Variants in TRPM8 observed in about 807,000 individuals in gnomAD.
TRPM8 encodes transient receptor potential cation channel subfamily M member 8.
Under a neutral mutation model 133.7 loss-of-function variants are expected in TRPM8, and 110 were observed. The ratio of observed to expected loss-of-function variants is 0.82; its 90% CI spans 0.70 to 0.96. TRPM8 has a LOEUF of 0.96. TRPM8 is among the 40% of genes least tolerant of loss of function. TRPM8 has a pLI of 0.00. For missense variants in TRPM8, 1,291 were observed against 1,379.5 expected (o/e 0.94, Z 1.02); for synonymous variants, 535 against 532.3 (o/e 1.01, Z -0.07).
rs1036676858 is a variant in TRPM8 at position 233,995,086 on chromosome 2, C to T, written c.2940-1240C>T. On this transcript the variant is annotated intron_variant, in intron 21 of 25. Transcript: ENST00000324695. ...TCTGTGAGGTGGTATCATGTAGCAG[C>T]GAAACAAATAGACGTGGGGCTGGAT... 1.1e-4 allele frequency among the ~76,000 whole-genome samples: 16 copies of T among 152,262 alleles called. 1 individual carries two copies. Among genetic ancestry groups the T allele is most frequent in the East Asian group, 7.7e-4 (4 of 5,190 alleles).
chr2:233,988,643 G>T (rs1692205577), intron 21 of TRPM8, among the ~76,000 whole-genome samples: 1 of 152,174 alleles, frequency 6.6e-6, no homozygotes, highest in African/African-American at 2.4e-5. Flanking sequence ...TGTGCCAGGT[G>T]CCTGGGCCAT....
chr2:233,996,296 A>G, intron 21 of TRPM8, 30 bp from the exon 22 acceptor site: 1 of 1,608,320 alleles, frequency 6.2e-7, no homozygotes, highest in Non-Finnish European at 8.5e-7. Context: ...GCGCAATGCT[A>G]AGTCTTGGCC....
At position 233,969,771 on chromosome 2, in the gene TRPM8, TTA is replaced by T; in HGVS notation, c.2105_2106del (p.Ile702ThrfsTer11). On this transcript the variant is annotated frameshift_variant, in exon 16 of 26. Coordinates refer to ENST00000324695, the MANE Select transcript of TRPM8 (RefSeq NM_024080.5). LOFTEE classifies it high-confidence loss of function. ...TGGAAGATTATCCTGTGTCTGTTTA[TTA>T]TACCCTTGGTGGGCTGTGGCTTTGT... 1 of 1,613,868 alleles carries T rather than the reference TTA, an allele frequency of 6.2e-7. No individual in the cohort carries two copies.
chr2:233,948,273 T>C (rs146432155), intron 8 of TRPM8, among the ~76,000 whole-genome samples: 7 of 152,192 alleles, frequency 4.6e-5, no homozygotes, highest in African/African-American at 1.4e-4. Context: ...ACAATTGAGA[T>C]CATGGTTAAA....
At chr2:233,954,992 G>A (rs964039255) in intron 10 of TRPM8, 140 bp from the exon 11 acceptor site, 9 of 630,752 alleles carry the variant, frequency 1.4e-5, no homozygotes, top group Non-Finnish European at 2.6e-5. Context: ...TAGAGTGAAT[G>A]ACAGTTTGAG....
intron 23 of TRPM8, among the ~76,000 whole-genome samples, chr2:234,007,243 G>C (rs777857518): frequency 6.6e-6 from 1 of 152,170 alleles, no homozygotes; most frequent in African/African-American, 2.4e-5. Flanking sequence ...GTAACAAGAG[G>C]GTGGGTCCCC....
chr2:234,005,214 T>C (rs1455631222), intron 22 of TRPM8, among the ~76,000 whole-genome samples: 2 of 152,020 alleles, frequency 1.3e-5, no homozygotes, highest in Non-Finnish European at 2.9e-5. Flanking sequence ...GCAGTAACAA[T>C]TGACAGATTT....
intron 24 of TRPM8, 71 bp from the exon 25 acceptor site, chr2:234,014,491 A>G: frequency 1.1e-6 from 1 of 921,284 alleles, no homozygotes; most frequent in South Asian, 1.8e-5. Context: ...GAAAAGGCAC[A>G]GAGCGATAAT....
chr2:233,942,037 C>A (rs1317615076), intron 5 of TRPM8, among the ~76,000 whole-genome samples: 1 of 150,896 alleles, frequency 6.6e-6, no homozygotes, highest in Non-Finnish European at 1.5e-5. Context: ...TCCCAGAGAG[C>A]CTGATGAGGC....
chr2:234,000,633 A>G (rs1692534085), intron 22 of TRPM8, among the ~76,000 whole-genome samples: 1 of 152,072 alleles, frequency 6.6e-6, no homozygotes, highest in South Asian at 2.1e-4. Context: ...TATAAGTTTT[A>G]TGTGACATAG....
Position 233,996,316 on chromosome 2 carries a change from C to T in TRPM8, c.2940-10C>T, listed in dbSNP as rs1461610383. 1.2e-6 allele frequency: 2 copies of T among 1,613,294 alleles called. No individual in the cohort carries two copies. Among genetic ancestry groups the T allele is most frequent in the African/African-American group, 2.7e-5 (2 of 74,920 alleles). On this transcript the variant is annotated splice_polypyrimidine_tract_variant and intron_variant, in intron 21 of 25. Transcript: ENST00000324695. Reference sequence around the variant, plus strand: ...ATGCTAAGTCTTGGCCTTCTCTCTTCCCTCACCAGCTACACGGTGGGCACC... The same window carrying T: ...ATGCTAAGTCTTGGCCTTCTCTCTTTCCTCACCAGCTACACGGTGGGCACC...
At chr2:234,016,535 TGTG>T (rs1360653543) in intron 25 of TRPM8, among the ~76,000 whole-genome samples, 1 of 152,144 alleles carries the variant, frequency 6.6e-6, no homozygotes, top group African/African-American at 2.4e-5. Flanking sequence ...GTCAGTCTCT[TGTG>T]GGAGTGAACT....
chr2:233,997,397 G>A (rs17864772), intron 22 of TRPM8, among the ~76,000 whole-genome samples: 1 of 152,188 alleles, frequency 6.6e-6, no homozygotes, highest in Non-Finnish European at 1.5e-5. Context: ...CGTCAGGGAG[G>A]GTCGGCAGTG....
At chr2:233,947,038 T>C (rs776729533) in intron 7 of TRPM8, 50 bp from the exon 8 acceptor site, 2 of 1,557,046 alleles carry the variant, frequency 1.3e-6, no homozygotes, top group Non-Finnish European at 1.8e-6. Flanking sequence ...CAGAGGTAGG[T>C]GAGTATTTCT....
chr2:233,963,257 C>G (rs1190444624), intron 12 of TRPM8, 25 bp from the exon 13 acceptor site: 1 of 1,552,102 alleles, frequency 6.4e-7, no homozygotes, highest in Admixed American at 1.7e-5. Flanking sequence ...TTTGCACATG[C>G]TGACCACATG....
At chr2:233,967,760 A>G (rs1691611483) in intron 15 of TRPM8, among the ~76,000 whole-genome samples, 1 of 152,160 alleles carries the variant, frequency 6.6e-6, no homozygotes, top group South Asian at 2.1e-4. Context: ...CCTCTGCTGC[A>G]GTGTAGTGGG....
chr2:234,002,127 A>T (rs200348723), intron 22 of TRPM8, among the ~76,000 whole-genome samples: 1 of 151,910 alleles, frequency 6.6e-6, no homozygotes, highest in South Asian at 2.1e-4. Context: ...GGGAAGATTT[A>T]TGGAGGAAGG....
chr2:234,005,967 C>CACACACACAG (rs1045698162), intron 22 of TRPM8, among the ~76,000 whole-genome samples: 5 of 150,776 alleles, frequency 3.3e-5, no homozygotes, highest in African/African-American at 7.3e-5. Flanking sequence ...CACACACACA[C>CACACACACAG]AGAATTTGCT....
In TRPM8 at chr2:233,983,122, G is replaced by A; in HGVS notation, c.2659G>A (p.Gly887Arg). ...GGTGGCCTTTGGCGTGGCCAGGCAA[G>A]GGATCCTTAGGCAGAATGAGCAGCG... ...WMVAFGVARQ[G>R]ILRQNEQRWR... The change falls in exon 20 of 26, where the codon GGG (glycine) becomes AGG (arginine). Residue 887 changes from glycine (G) to arginine (R), a missense_variant. Physicochemically the swap from Gly to Arg is moderately radical, Grantham distance 125 (BLOSUM62 -2). This residue lies in a region of TRPM8 where 328 missense variants were observed against 410.6 expected (regional missense o/e 0.80). Transcript: ENST00000324695. 6.2e-7 allele frequency: 1 copy of A among 1,614,156 alleles called. No individual in the cohort carries two copies. Among genetic ancestry groups the A allele is most frequent in the Non-Finnish European group, 8.5e-7 (1 of 1,180,000 alleles).
Sources: gnomAD v4.1 joint callset for allele counts (sites outside exome capture counted in the v4.1 genomes callset) on GRCh38, gnomAD v4.1.1 for gene constraint, gnomAD v4.1.1 regional missense constraint, MANE v1.5 for transcripts, NCBI Gene and HGNC (gene_info 2026-07-23, HGNC 2026-07-21) for gene names.